The following RANBP2 variants were observed in gnomAD, a reference collection of about 807,000 sequenced individuals.
The protein encoded by RANBP2 is E3 SUMO-protein ligase RanBP2.
RANBP2 carries 57 observed loss-of-function variants against 303.6 expected under a neutral mutation model. The ratio of observed to expected loss-of-function variants is 0.19; its 90% confidence interval spans 0.15 to 0.23. The LOEUF (loss-of-function observed/expected upper bound fraction) is 0.23, where lower values mean the gene tolerates loss of function less well. Among genes scored for constraint, RANBP2 ranks in the 10% least tolerant of loss-of-function variants. The pLI is 1.00. For synonymous variants in RANBP2, 1,167 were observed against 1,301.5 expected (o/e 0.90, Z 2.23); for missense variants, 3,138 against 3,780.8 (o/e 0.83, Z 4.46).
At chr2:109,117,719 T>C in the RANBP2 span, among the ~76,000 whole-genome samples, 1 of 144,222 alleles carries the variant, frequency 6.9e-6, no homozygotes, top group Admixed American at 7.3e-5. Flanking sequence ...ATCACCCGTC[T>C]TCTGCGTCGC....
the RANBP2 span, among the ~76,000 whole-genome samples, chr2:109,230,684 G>A: frequency 6.6e-5 from 10 of 152,304 alleles, no homozygotes; most frequent in African/African-American, 1.7e-4. Flanking sequence ...TCAGAAAATC[G>A]TAAGTCGGGG....
chr2:109,435,194 G>C, the RANBP2 span, among the ~76,000 whole-genome samples: 2 of 152,180 alleles, frequency 1.3e-5, no homozygotes, highest in African/African-American at 2.4e-5. Flanking sequence ...GCTGCCCCCA[G>C]GTCAGTATGT....
At chr2:108,886,477 C>T in the RANBP2 span, among the ~76,000 whole-genome samples, 3 of 152,234 alleles carry the variant, frequency 2.0e-5, no homozygotes, top group African/African-American at 7.2e-5. Context: ...TGCAGTGGTG[C>T]AATCTCAGCT....
the RANBP2 span, among the ~76,000 whole-genome samples, chr2:108,997,248 T>C: frequency 6.6e-6 from 1 of 151,796 alleles, no homozygotes; most frequent in Non-Finnish European, 1.5e-5. Context: ...GAGACCAACC[T>C]GGCTAACACG....
At chr2:108,968,421 T>C in the RANBP2 span, among the ~76,000 whole-genome samples, 1 of 152,194 alleles carries the variant, frequency 6.6e-6, no homozygotes, top group African/African-American at 2.4e-5. Flanking sequence ...AAACCAGGGA[T>C]GTAGCATTTT....
At chr2:109,655,064 G>A in the RANBP2 span, among the ~76,000 whole-genome samples, 12 of 151,946 alleles carry the variant, frequency 7.9e-5, no homozygotes, top group East Asian at 5.8e-4. Context: ...CACCATGCCC[G>A]GCTAATTTTT....
the RANBP2 span, among the ~76,000 whole-genome samples, chr2:109,419,909 G>T: frequency 6.6e-6 from 1 of 152,228 alleles, no homozygotes; most frequent in Non-Finnish European, 1.5e-5. Flanking sequence ...GTCAACAGGA[G>T]AGGAGCCAGC....
chr2:109,233,660 C>T, the RANBP2 span, among the ~76,000 whole-genome samples: 17 of 152,230 alleles, frequency 1.1e-4, no homozygotes, highest in Non-Finnish European at 2.2e-4. Context: ...GCCTCCTGTT[C>T]GTATCACCAC....
chr2:109,554,363 A>G, the RANBP2 span, among the ~76,000 whole-genome samples: 4 of 152,202 alleles, frequency 2.6e-5, no homozygotes, highest in Non-Finnish European at 4.4e-5. Context: ...CAATGTATAC[A>G]ATACATTTTT....
the RANBP2 span, among the ~76,000 whole-genome samples, chr2:109,373,256 A>G: frequency 0.026 from 3,936 of 152,356 alleles, 118 homozygotes; most frequent in African/African-American, 0.064. Context: ...TACCACTTAC[A>G]ATGTCGTCCA....
chr2:108,888,294 A>G, the RANBP2 span, among the ~76,000 whole-genome samples: 3 of 152,080 alleles, frequency 2.0e-5, no homozygotes. Context: ...TTTTGCATAT[A>G]TGTTCATTCA....
At position 108,768,302 on chromosome 2, in the gene RANBP2, C is replaced by T. The variant is rs761612816; in HGVS notation, c.7763C>T (p.Ser2588Phe). Residue 2588 changes from serine to phenylalanine, a missense_variant, in exon 20 of 29, where the codon TCT (serine) becomes TTT (phenylalanine). This residue lies in a region of RANBP2 where 497 missense variants were observed against 465.8 expected (regional missense o/e 1.07). Transcript: ENST00000283195. ...TCAAAGAACTCTGATATCGAACAGT[C>T]TTCAGATAGCAAAGTCAAAAATCTC... ...ELSKNSDIEQSSDSKVKNLFA... is the reference protein window; with the variant it reads ...ELSKNSDIEQFSDSKVKNLFA... The T allele has an allele frequency of 7.4e-6, 12 of 1,612,012 alleles. No homozygotes were observed. In the South Asian group the frequency reaches 1.2e-4, roughly 16 times the overall value.
At chr2:108,969,421 G>A in the RANBP2 span, among the ~76,000 whole-genome samples, 2 of 152,144 alleles carry the variant, frequency 1.3e-5, no homozygotes, top group Non-Finnish European at 2.9e-5. Flanking sequence ...ATGAACTCAC[G>A]AATCAAGCAT....
At chr2:109,485,253 C>G in the RANBP2 span, among the ~76,000 whole-genome samples, 131 of 152,328 alleles carry the variant, frequency 8.6e-4, no homozygotes, top group African/African-American at 3.1e-3. Flanking sequence ...GGACAGCCAC[C>G]TGTCTCCACA....
At chr2:108,755,335 G>A (rs1391244187) in intron 17 of RANBP2, 76 bp downstream of exon 17, 5 of 1,603,372 alleles carry the variant, frequency 3.1e-6, no homozygotes, top group Non-Finnish European at 4.3e-6. Flanking sequence ...CTTTTTTTCT[G>A]AAGCTGGTCA....
chr2:108,892,957 C>A, the RANBP2 span, among the ~76,000 whole-genome samples: 2 of 152,314 alleles, frequency 1.3e-5, no homozygotes, highest in Middle Eastern at 6.8e-3. Context: ...CTTCTAGTAG[C>A]CATCTTTGTC....
At chr2:109,694,801 A>ATGTGTGTGTGTG in the RANBP2 span, among the ~76,000 whole-genome samples, 36 of 146,332 alleles carry the variant, frequency 2.5e-4, no homozygotes, top group African/African-American at 8.5e-4. Context: ...ATCCATAGGG[A>ATGTGTGTGTGTG]TGTGTGTGTG....
chr2:109,131,499 G>A, the RANBP2 span, among the ~76,000 whole-genome samples: 30,957 of 152,146 alleles, frequency 0.2, 3,918 homozygotes, highest in Middle Eastern at 0.36. Context: ...GATAAATTAT[G>A]TGATATTCGG....
At chr2:109,425,335 T>C in the RANBP2 span, among the ~76,000 whole-genome samples, 1 of 152,346 alleles carries the variant, frequency 6.6e-6, no homozygotes, top group African/African-American at 2.4e-5. Context: ...ATCCAGAAGA[T>C]CTAGCTAAAA....
Sources: allele counts gnomAD v4.1 joint callset (sites outside exome capture counted in the v4.1 genomes callset), GRCh38; gene constraint gnomAD v4.1.1; regional missense constraint gnomAD v4.1.1; transcripts MANE v1.5; gene names NCBI Gene and HGNC (gene_info 2026-07-23, HGNC 2026-07-21).